The following EXOC4 variants were observed in gnomAD, a reference collection of about 807,000 sequenced individuals.
EXOC4 encodes the protein exocyst complex component 4, also known as SEC8-like 1.
In EXOC4, 71 loss-of-function variants were observed where a neutral mutation model predicts 107.2. That is an observed-to-expected ratio of 0.66 (90% CI 0.55 to 0.81). The LOEUF (loss-of-function observed/expected upper bound fraction) is 0.81, where lower values mean the gene tolerates loss of function less well. EXOC4 is among the 30% of genes least tolerant of loss of function. The probability of loss-of-function intolerance (pLI) is 0.00; values close to 1 mark genes in which losing one functional copy is unlikely to be tolerated. For synonymous variants in EXOC4, 456 were observed against 441.2 expected (o/e 1.03, Z -0.42); for missense variants, 1,108 against 1,189.6 (o/e 0.93, Z 1.01).
intron 11 of EXOC4, among the ~76,000 whole-genome samples, chr7:133,819,354 A>G (rs1010117341): frequency 6.9e-6 from 1 of 145,704 alleles, no homozygotes; most frequent in Non-Finnish European, 1.5e-5. Flanking sequence ...TTTTCTTCCT[A>G]ACACTTATCA....
intron 9 of EXOC4, among the ~76,000 whole-genome samples, chr7:133,495,184 G>A (rs1467323106): frequency 2.0e-5 from 3 of 151,788 alleles, no homozygotes; most frequent in Non-Finnish European, 2.9e-5. Context: ...GCTGGGAAAC[G>A]GAGATTGCAG....
At position 134,006,982 on chromosome 7, in the gene EXOC4, T is replaced by TG. The variant is rs112616283; in HGVS notation, c.2528-687dup. 5.9e-3 allele frequency among the ~76,000 whole-genome samples: 897 copies of TG among 152,190 alleles called. 5 individuals are homozygous for TG. The highest frequency in any genetic ancestry group is 0.041 in the Middle Eastern group (12 of 294). ...TCCAGACCTAAGAGCAAACTACTTG[T>TG]GGGGGGGCCCCAAAATGTCCACAGG... On this transcript the variant is annotated intron_variant, in intron 16 of 17. Transcript: ENST00000253861.
At chr7:134,057,416 CACTA>C (rs10535259) in intron 17 of EXOC4, among the ~76,000 whole-genome samples, 33,179 of 151,528 alleles carry the variant, frequency 0.22, 4,722 homozygotes, top group African/African-American at 0.4. Flanking sequence ...CTAATTGTGC[CACTA>C]ACTGTCTGAA....
At chr7:133,781,459 C>A (rs1796464323) in intron 10 of EXOC4, among the ~76,000 whole-genome samples, 1 of 152,252 alleles carries the variant, frequency 6.6e-6, no homozygotes, top group Admixed American at 6.5e-5. Context: ...CCGCCACTTA[C>A]TAGTTGTGTT....
intron 9 of EXOC4, among the ~76,000 whole-genome samples, chr7:133,604,818 G>A (rs1392348217): frequency 7.2e-6 from 1 of 138,594 alleles, no homozygotes; most frequent in African/African-American, 2.6e-5. Context: ...CCACCTCCCG[G>A]ATTTAAGTGT....
chr7:134,076,693 T>C, the EXOC4 span, among the ~76,000 whole-genome samples: 461 of 132,322 alleles, frequency 3.5e-3, 2 homozygotes, highest in African/African-American at 0.012. Flanking sequence ...GAAAAAACTA[T>C]CATCTATAAT....
downstream of EXOC4, among the ~76,000 whole-genome samples, chr7:134,071,059 C>T (rs1011701572): frequency 1.3e-5 from 2 of 152,182 alleles, no homozygotes; most frequent in Non-Finnish European, 2.9e-5. Context: ...TTTATGATTG[C>T]TACTACGTTA....
chr7:133,454,493 C>T (rs887049509), intron 7 of EXOC4, among the ~76,000 whole-genome samples: 4 of 152,164 alleles, frequency 2.6e-5, no homozygotes, highest in African/African-American at 7.2e-5. Flanking sequence ...GATGGGGTTT[C>T]GCCATGTTGT....
intron 5 of EXOC4, among the ~76,000 whole-genome samples, chr7:133,346,495 TAA>T (rs1439076804): frequency 1.3e-5 from 2 of 152,184 alleles, no homozygotes; most frequent in Non-Finnish European, 2.9e-5. Flanking sequence ...TTGGATATGT[TAA>T]GAGTGTGAAT....
At chr7:133,350,631 G>T (rs1584841491) in intron 5 of EXOC4, among the ~76,000 whole-genome samples, 1 of 151,982 alleles carries the variant, frequency 6.6e-6, no homozygotes, top group African/African-American at 2.4e-5. Context: ...GAGTCTTCTA[G>T]ATTTGTTCTT....
intron 5 of EXOC4, among the ~76,000 whole-genome samples, chr7:133,321,662 T>A (rs1428811407): frequency 6.6e-6 from 1 of 152,228 alleles, no homozygotes; most frequent in Non-Finnish European, 1.5e-5. Context: ...TCTTTGCTAT[T>A]GTGTATAGTG....
chr7:133,422,335 A>G (rs146131127), intron 7 of EXOC4, among the ~76,000 whole-genome samples: 1 of 152,310 alleles, frequency 6.6e-6, no homozygotes, highest in African/African-American at 2.4e-5. Context: ...GTCATCCTTT[A>G]GCTCTGGGTG....
chr7:133,596,530 A>G (rs893368561), intron 9 of EXOC4, among the ~76,000 whole-genome samples: 1 of 152,134 alleles, frequency 6.6e-6, no homozygotes, highest in Non-Finnish European at 1.5e-5. Context: ...AAAGAATGAA[A>G]TGTTTTTGTA....
intron 10 of EXOC4, among the ~76,000 whole-genome samples, chr7:133,777,087 T>A (rs955400747): frequency 2.0e-5 from 3 of 152,030 alleles, no homozygotes. Flanking sequence ...ATAAATATAT[T>A]TTGTTGTTGA....
At chr7:133,378,684 AC>A (rs1452207078) in intron 7 of EXOC4, among the ~76,000 whole-genome samples, 4 of 152,194 alleles carry the variant, frequency 2.6e-5, no homozygotes, top group African/African-American at 9.6e-5. Flanking sequence ...CCTAGAGCAA[AC>A]ATTAAAATTC....
intron 12 of EXOC4, among the ~76,000 whole-genome samples, chr7:133,912,458 A>G (rs1799716897): frequency 1.3e-5 from 2 of 152,236 alleles, no homozygotes; most frequent in Admixed American, 1.3e-4. Flanking sequence ...TTGAATCCAG[A>G]GAGGCATGGT....
chr7:133,401,451 A>G (rs1410668156), intron 7 of EXOC4, among the ~76,000 whole-genome samples: 1 of 152,034 alleles, frequency 6.6e-6, no homozygotes, highest in Non-Finnish European at 1.5e-5. Flanking sequence ...TCATGAGCTC[A>G]GGAATTCAAG....
intron 14 of EXOC4, among the ~76,000 whole-genome samples, chr7:133,982,972 A>T (rs917785275): frequency 6.6e-6 from 1 of 152,180 alleles, no homozygotes; most frequent in Non-Finnish European, 1.5e-5. Flanking sequence ...ATAAAGAAAT[A>T]CCTGAGACTG....
At chr7:134,066,633 A>C (rs749256493), downstream of EXOC4, 1 of 152,150 alleles carries the variant, frequency 6.6e-6, no homozygotes, top group Non-Finnish European at 1.5e-5. Context: ...TGGGTGGTCA[A>C]TGGCTACCTC....
Sources: gnomAD v4.1 joint callset for allele counts (sites outside exome capture counted in the v4.1 genomes callset) on GRCh38, gnomAD v4.1.1 for gene constraint, MANE v1.5 for transcripts, NCBI Gene and HGNC (gene_info 2026-07-23, HGNC 2026-07-21) for gene names.